ZNF469: variants seen among roughly 807,000 people sequenced by gnomAD.
ZNF469 encodes the protein zinc finger protein 469.
Under a neutral mutation model 1.0 loss-of-function variants are expected in ZNF469, and 1 was observed. The observed-to-expected ratio is 1.00, with a 90% CI of 0.35 to 4.73. The LOEUF (loss-of-function observed/expected upper bound fraction) is 4.73. Among genes scored for constraint, ZNF469 ranks in the 30% most tolerant of loss-of-function variants. The probability of loss-of-function intolerance (pLI) is 0.16; values close to 1 mark genes in which losing one functional copy is unlikely to be tolerated. For missense variants in ZNF469, 6,100 were observed against 5,356.3 expected, an observed-to-expected ratio of 1.14 and a Z score of -4.33; for synonymous variants, 2,703 against 2,363.4, an observed-to-expected ratio of 1.14 and a Z score of -4.17.
chr16:88,427,145 G>A (rs1905741188), intron 2 of ZNF469, among the ~76,000 whole-genome samples, 200 bp from the exon 3 acceptor site: 2 of 152,150 alleles, frequency 1.3e-5, no homozygotes, highest in Non-Finnish European at 2.9e-5. Context: ...GTTCCATCTG[G>A]CGGGATGCCC....
the ZNF469 span, among the ~76,000 whole-genome samples, chr16:88,340,066 G>A: frequency 0.22 from 33,344 of 151,994 alleles, 4,665 homozygotes; most frequent in African/African-American, 0.4. Context: ...TCTGAGCCAC[G>A]GACACCAGTC....
chr16:88,432,935 C>G lies in ZNF469; in HGVS notation c.5465C>G (p.Pro1822Arg). 1 of 1,550,424 alleles carries G rather than the reference C, an allele frequency of 6.4e-7. No homozygotes were observed. Residue 1822 changes from proline (P) to arginine (R), a missense_variant, in exon 3 of 3, where the codon CCT becomes CGT. By Grantham distance (103) the Pro-to-Arg change is moderately radical (BLOSUM62 -2). Transcript: ENST00000565624. Reference sequence around the variant, plus strand: ...GCTCCACCTCTGGATGCCACCTGGCCTTTTGGTGCCAGTCCCAGCCATGCT... The same window carrying G: ...GCTCCACCTCTGGATGCCACCTGGCGTTTTGGTGCCAGTCCCAGCCATGCT... ...DGAPPLDATW[P>R]FGASPSHAAQ...
At chr16:88,231,888 T>C in the ZNF469 span, among the ~76,000 whole-genome samples, 1 of 152,216 alleles carries the variant, frequency 6.6e-6, no homozygotes, top group Non-Finnish European at 1.5e-5. This position sits in a 1 kb window ranked among gnomAD's most constrained non-coding sequence, Gnocchi z 4.5. Context: ...GGGGCCATTA[T>C]TGAGCCAATA....
the ZNF469 span, among the ~76,000 whole-genome samples, chr16:88,121,844 C>T: frequency 2.6e-5 from 4 of 152,180 alleles, no homozygotes; most frequent in Non-Finnish European, 4.4e-5. Context: ...TGTCAAAATA[C>T]GCTTCTTTTT....
At position 88,429,939 on chromosome 16, in the gene ZNF469, C is replaced by T. The variant is rs1165084326; in HGVS notation, c.2469C>T (p.Thr823=). 2.6e-6 allele frequency: 4 copies of T among 1,550,326 alleles called. No individual in the cohort carries two copies. The highest frequency in any genetic ancestry group is 3.3e-4 in the Middle Eastern group (2 of 5,992). Reference sequence around the variant, plus strand: ...GCTTCCTGCCCAGCCTGGCCGCCACCCCCTTCCCGCTCCCTGCCTCGGACC... The same window carrying T: ...GCTTCCTGCCCAGCCTGGCCGCCACTCCCTTCCCGCTCCCTGCCTCGGACC... The part of the protein sequence containing the change: ...RTGFLPSLAA[T]PFPLPASDLD... Residue 823 remains threonine (T), a synonymous_variant, in exon 3 of 3, where the codon ACC becomes ACT. Coordinates refer to ENST00000565624, the MANE Select transcript of ZNF469 (RefSeq NM_001367624.2).
the ZNF469 span, among the ~76,000 whole-genome samples, chr16:88,146,617 C>G: frequency 6.6e-6 from 1 of 152,190 alleles, no homozygotes; most frequent in South Asian, 2.1e-4. Flanking sequence ...TCTCTCCCAC[C>G]GTCTCCAGTC....
At chr16:88,283,017 A>G in the ZNF469 span, among the ~76,000 whole-genome samples, 13 of 152,252 alleles carry the variant, frequency 8.5e-5, no homozygotes, top group South Asian at 6.2e-4. Flanking sequence ...AGTTTGGCCA[A>G]TGCATTAGGT....
At chr16:88,177,169 G>A in the ZNF469 span, 1 of 152,256 alleles carries the variant, frequency 6.6e-6, no homozygotes, top group East Asian at 1.9e-4. This position sits in a 1 kb window ranked among gnomAD's most constrained non-coding sequence, Gnocchi z 4.8. Context: ...AAAAAGAGGG[G>A]CGTGCCGGGC....
At chr16:88,180,429 C>T in the ZNF469 span, among the ~76,000 whole-genome samples, 377 of 152,120 alleles carry the variant, frequency 2.5e-3, 1 homozygote, top group Middle Eastern at 0.024. Context: ...AATAGATATC[C>T]GAACAAGGAA....
At chr16:88,103,490 C>T in the ZNF469 span, among the ~76,000 whole-genome samples, 1 of 152,216 alleles carries the variant, frequency 6.6e-6, no homozygotes, top group Non-Finnish European at 1.5e-5. Flanking sequence ...TGCTGGGGCT[C>T]CTGGGTGGGG....
At chr16:88,328,593 G>A in the ZNF469 span, among the ~76,000 whole-genome samples, 169 of 152,310 alleles carry the variant, frequency 1.1e-3, 1 homozygote, top group Middle Eastern at 3.4e-3. Flanking sequence ...TCCAGGGCCC[G>A]GGTTCTTCTC....
the ZNF469 span, among the ~76,000 whole-genome samples, chr16:88,213,159 C>T: frequency 6.6e-6 from 1 of 151,906 alleles, no homozygotes; most frequent in Non-Finnish European, 1.5e-5. Context: ...AGTGCAGTGG[C>T]ACCATCTTGG....
chr16:88,358,253 C>T, the ZNF469 span, among the ~76,000 whole-genome samples: 3 of 152,306 alleles, frequency 2.0e-5, no homozygotes, highest in Admixed American at 6.5e-5. Context: ...CCCAGGGGCT[C>T]GGACCTCAGA....
chr16:88,104,816 A>G, the ZNF469 span, among the ~76,000 whole-genome samples: 4 of 151,444 alleles, frequency 2.6e-5, no homozygotes, highest in African/African-American at 9.7e-5. Context: ...CCTTTCTCCT[A>G]CACCTGGAGG....
At position 88,438,253 on chromosome 16, in the gene ZNF469, C is replaced by G; in HGVS notation, c.10783C>G (p.Leu3595Val). ...GSPGPLLQQALPLGASLPRPG... is the reference protein window; with the variant it reads ...GSPGPLLQQAVPLGASLPRPG... ...CCCCGGGCCTCTTCTCCAGCAAGCT[C>G]TCCCTCTGGGGGCATCTCTGCCGCG... Residue 3595 changes from leucine (L) to valine (V), a missense_variant, in exon 3 of 3, where the codon CTC becomes GTC. Coordinates refer to ENST00000565624, the MANE Select transcript of ZNF469 (RefSeq NM_001367624.2). 1 of 1,548,030 alleles carries G rather than the reference C, an allele frequency of 6.5e-7. No individual in the cohort carries two copies. Among genetic ancestry groups the G allele is most frequent in the Admixed American group, 2.0e-5 (1 of 50,970 alleles).
chr16:88,145,643 C>T, the ZNF469 span, among the ~76,000 whole-genome samples: 7 of 152,260 alleles, frequency 4.6e-5, no homozygotes, highest in African/African-American at 1.7e-4. Context: ...CCTAGGGGCC[C>T]AGTGAAGACC....
rs1906030499 is a variant in ZNF469 at position 88,430,103 on chromosome 16, G to A, written c.2633G>A (p.Gly878Asp). Reference sequence around the variant, plus strand: ...GACGAGGAGCCTTCCGGCCCCAGAGGTCCCAGCTCCGGACACCCCCTTAAG... The same window carrying A: ...GACGAGGAGCCTTCCGGCCCCAGAGATCCCAGCTCCGGACACCCCCTTAAG... Reference protein sequence around the residue: ...FADEEPSGPRGPSSGHPLKSK... With the variant: ...FADEEPSGPRDPSSGHPLKSK... The change falls in exon 3 of 3, where the codon GGT becomes GAT. Residue 878 changes from glycine to aspartate, a missense_variant. Transcript: ENST00000565624. 6.5e-7 allele frequency: 1 copy of A among 1,542,392 alleles called. No individual in the cohort carries two copies. Among genetic ancestry groups the A allele is most frequent in the Non-Finnish European group, 8.7e-7 (1 of 1,146,914 alleles).
At chr16:88,246,740 T>C in the ZNF469 span, among the ~76,000 whole-genome samples, 19 of 152,312 alleles carry the variant, frequency 1.2e-4, no homozygotes, top group African/African-American at 4.1e-4. Context: ...AAGAGGTGAC[T>C]GTGAGTGAGT....
At chr16:88,203,317 C>T in the ZNF469 span, among the ~76,000 whole-genome samples, 96 of 152,264 alleles carry the variant, frequency 6.3e-4, no homozygotes, top group African/African-American at 1.9e-3. Context: ...GTTACTCATC[C>T]GCCCGCTCTG....
Sources: gnomAD v4.1 joint callset for allele counts (sites outside exome capture counted in the v4.1 genomes callset) on GRCh38, gnomAD v4.1.1 for gene constraint, Gnocchi (gnomAD v3.1) non-coding constraint, MANE v1.5 for transcripts, NCBI Gene and HGNC (gene_info 2026-07-23, HGNC 2026-07-21) for gene names.